The following ALG6 variants were observed in gnomAD, a reference collection of about 807,000 sequenced individuals.
The protein encoded by ALG6 is dolichyl pyrophosphate Man9GlcNAc2 alpha-1,3-glucosyltransferase.
A neutral mutation model predicts 66.6 loss-of-function variants in ALG6; 46 were observed. The ratio of observed to expected loss-of-function variants is 0.69; its 90% CI spans 0.55 to 0.88. The LOEUF is 0.88. ALG6 is among the 40% of genes least tolerant of loss of function. The pLI is 0.00. For missense variants in ALG6, 505 were observed against 586.8 expected, an observed-to-expected ratio of 0.86 and a Z score of 1.44; for synonymous variants, 185 against 203.7, an observed-to-expected ratio of 0.91 and a Z score of 0.78.
intron 2 of ALG6, among the ~76,000 whole-genome samples, chr1:63,378,365 CCTTT>C (rs1648198266): frequency 6.6e-6 from 1 of 152,122 alleles, no homozygotes; most frequent in Non-Finnish European, 1.5e-5. Context: ...ATTTGCCTTT[CCTTT>C]CTTGCTGCAG....
intron 2 of ALG6, among the ~76,000 whole-genome samples, chr1:63,378,645 A>T (rs1033530598): frequency 3.3e-5 from 5 of 152,120 alleles, no homozygotes; most frequent in African/African-American, 1.2e-4. Flanking sequence ...TCTTCCCCTC[A>T]TTGACTTTAT....
intron 12 of ALG6, among the ~76,000 whole-genome samples, chr1:63,422,233 A>ATC (rs1644583279): frequency 3.5e-5 from 2 of 57,680 alleles, no homozygotes; most frequent in Admixed American, 2.8e-4. Context: ...ATAAATATAA[A>ATC]TATATATATA....
chr1:63,402,381 T>C (rs1644469101), intron 4 of ALG6, 38 bp downstream of exon 4: 1 of 1,406,798 alleles, frequency 7.1e-7, no homozygotes, highest in South Asian at 1.2e-5. Context: ...TAAATTTTTA[T>C]GCCCTTGGCA....
rs1644562337 is a variant in ALG6 at position 63,419,433 on chromosome 1, G to A, written c.1051G>A (p.Val351Met). 6.3e-7 allele frequency: 1 copy of A among 1,597,604 alleles called. No individual in the cohort carries two copies. Among genetic ancestry groups the A allele is most frequent in the Admixed American group, 1.7e-5 (1 of 59,418 alleles). ...FQVHEKSILL[V>M]SLPVCLVLSE... is the part of the protein sequence containing the mutation. ...AGTACATGAAAAATCCATTCTCTTG[G>A]TGTCACTGTAAGTAGAAACATTTGA... The change falls in exon 12 of 15, where the codon GTG (valine) becomes ATG (methionine). Residue 351 changes from valine to methionine, a missense_variant. Transcript: ENST00000263440.
At chr1:63,422,481 A>T (rs1463989686) in intron 12 of ALG6, among the ~76,000 whole-genome samples, 1 of 131,880 alleles carries the variant, frequency 7.6e-6, no homozygotes, top group Non-Finnish European at 1.6e-5. Context: ...ATAAATATAT[A>T]TATATAAAAG....
chr1:63,419,320 T>C (rs761859272), intron 11 of ALG6, 50 bp from the exon 12 acceptor site: 11 of 1,318,896 alleles, frequency 8.3e-6, no homozygotes, highest in African/African-American at 5.8e-5. Flanking sequence ...TAACTTGATA[T>C]GCTATTTCAC....
chr1:63,382,683 T>G (rs1421917472), intron 2 of ALG6, among the ~76,000 whole-genome samples: 30 of 70,064 alleles, frequency 4.3e-4, no homozygotes, highest in African/African-American at 1.9e-3. Context: ...TTTTTTGTTT[T>G]TTTTTTTTTT....
intron 2 of ALG6, among the ~76,000 whole-genome samples, chr1:63,378,180 A>G (rs973951701): frequency 2.0e-5 from 3 of 152,102 alleles, no homozygotes; most frequent in African/African-American, 7.2e-5. Flanking sequence ...GTTGGTGGCA[A>G]ACCCAGTTTT....
chr1:63,376,153 C>T (rs957649700), intron 2 of ALG6, among the ~76,000 whole-genome samples: 13 of 152,160 alleles, frequency 8.5e-5, no homozygotes, highest in African/African-American at 3.1e-4. Flanking sequence ...CCTACTACAC[C>T]TAGGCTGTAC....
At chr1:63,407,031 C>T in intron 6 of ALG6, 31 bp from the exon 7 acceptor site, 1 of 1,541,654 alleles carries the variant, frequency 6.5e-7, no homozygotes. Flanking sequence ...TAACAGATTA[C>T]TTTCTTATCT....
Position 63,436,961 on chromosome 1 carries a change from TTTAACA to T in ALG6, c.1469_1474del (p.Asn490_Ile491del), listed in dbSNP as rs1553157450. 3 of 1,613,706 alleles carry T rather than the reference TTTAACA, an allele frequency of 1.9e-6. No homozygotes were observed. The highest frequency in any genetic ancestry group is 2.5e-6 in the Non-Finnish European group (3 of 1,179,708). Reference sequence around the variant, plus strand: ...GAACTTCCTGTTCTTCTTGGTATACTTTAACATTATTATTATGTGGGATTCCAAAAG... The same window carrying T: ...GAACTTCCTGTTCTTCTTGGTATACTTTATTATTATGTGGGATTCCAAAAG... On this transcript the variant is annotated inframe_deletion, in exon 15 of 15. Transcript: ENST00000263440.
rs1407965274 is a variant in ALG6, at chr1:63,437,878, C to T, written c.*858C>T. ...CTGCCAGAGCATTGATTCATGTTAA[C>T]TTCATCCTATTAATACTGTATCACC... On this transcript the variant is annotated 3_prime_UTR_variant, in exon 15 of 15. Coordinates refer to ENST00000263440, the MANE Select transcript of ALG6 (RefSeq NM_013339.4). 16 of 151,900 alleles carry T rather than the reference C, an allele frequency of 1.1e-4. No individual in the cohort carries two copies. The highest frequency in any genetic ancestry group is 1.2e-4 in the Non-Finnish European group (8 of 67,974). The allele number at this position is 151,900 out of a possible 1,614,324, so 9.4% of individuals were successfully genotyped here.
chr1:63,431,345 C>T (rs1570092607), intron 14 of ALG6, among the ~76,000 whole-genome samples: 1 of 152,264 alleles, frequency 6.6e-6, no homozygotes, highest in African/African-American at 2.4e-5. Context: ...TTTAGAAGTT[C>T]ATCAGTTTTC....
chr1:63,373,430 C>A (rs941150874), intron 2 of ALG6, among the ~76,000 whole-genome samples: 7 of 151,394 alleles, frequency 4.6e-5, no homozygotes, highest in Non-Finnish European at 7.4e-5. Flanking sequence ...TGGCAAAACC[C>A]CGTCTCTATT....
chr1:63,424,673 C>A (rs1234228727), intron 12 of ALG6, among the ~76,000 whole-genome samples: 1 of 151,710 alleles, frequency 6.6e-6, no homozygotes, highest in Non-Finnish European at 1.5e-5. Flanking sequence ...ATCTAAGAAA[C>A]CAGTGCCAAA....
chr1:63,397,577 C>T (rs1359761433), intron 3 of ALG6, among the ~76,000 whole-genome samples: 1 of 152,046 alleles, frequency 6.6e-6, no homozygotes, highest in African/African-American at 2.4e-5. Flanking sequence ...TTATATGATA[C>T]AGTATATATT....
intron 9 of ALG6, among the ~76,000 whole-genome samples, chr1:63,413,122 G>A (rs1644524704): frequency 6.6e-6 from 1 of 152,154 alleles, no homozygotes; most frequent in African/African-American, 2.4e-5. Context: ...CAGTAGCTTT[G>A]TGGTAGCTAT....
chr1:63,409,990 C>CA (rs1644508457), intron 7 of ALG6, among the ~76,000 whole-genome samples: 1 of 152,126 alleles, frequency 6.6e-6, no homozygotes, highest in African/African-American at 2.4e-5. Context: ...GATTTGACTT[C>CA]TACCTCTAGG....
At chr1:63,425,967 T>C (rs1570087453) in intron 12 of ALG6, among the ~76,000 whole-genome samples, 3 of 152,080 alleles carry the variant, frequency 2.0e-5, no homozygotes, top group Admixed American at 6.5e-5. Flanking sequence ...GTGAGAGTCA[T>C]GGAGGAGGTG....
Sources: allele counts gnomAD v4.1 joint callset (sites outside exome capture counted in the v4.1 genomes callset), GRCh38; gene constraint gnomAD v4.1.1; transcripts MANE v1.5; gene names NCBI Gene and HGNC (gene_info 2026-07-23, HGNC 2026-07-21).